Variants in TRIM38 observed in about 807,000 individuals in gnomAD.
TRIM38 encodes the protein E3 ubiquitin-protein ligase TRIM38.
TRIM38 carries 35 observed loss-of-function variants against 35.8 expected under a neutral mutation model. The observed-to-expected ratio is 0.98, with a 90% confidence interval of 0.75 to 1.30. TRIM38 has a LOEUF of 1.30. TRIM38 is among the 50% of genes most tolerant of loss of function. TRIM38 has a pLI of 0.00. For missense variants in TRIM38, 545 were observed against 556.9 expected (o/e 0.98, Z 0.21); for synonymous variants, 198 against 204.7 (o/e 0.97, Z 0.28).
rs769103693 is a variant in TRIM38, at chr6:25,966,709, C to G, written c.187C>G (p.Arg63Gly). The G allele has an allele frequency of 6.2e-7, 1 of 1,614,180 alleles. No homozygotes were observed. Residue 63 changes from arginine (R) to glycine (G), a missense_variant, in exon 3 of 8, where the codon CGG becomes GGG. Arg to Gly is a moderately radical substitution (Grantham distance 125). Transcript: ENST00000357085. ...RQETFCCPQC[R>G]APFHMDSLRP... is the part of the protein sequence containing the mutation. ...GGAGACATTCTGCTGTCCCCAGTGT[C>G]GGGCTCCATTTCATATGGATAGCCT...
rs765451825 is a variant in TRIM38, at chr6:25,983,495, C to A, written c.1206C>A (p.Ser402=). ...TAGCACTTACTTCTCCCCCAACTTCCCTTCATCTGCATGAGCAGCCCCTGC... is the reference window on the plus strand; with the variant it reads ...TAGCACTTACTTCTCCCCCAACTTCACTTCATCTGCATGAGCAGCCCCTGC... ...GYVALTSPPT[S]LHLHEQPLLV... Residue 402 remains serine (S), a synonymous_variant, in exon 8 of 8, where the codon TCC becomes TCA. Transcript: ENST00000357085. 3.1e-6 allele frequency: 5 copies of A among 1,614,004 alleles called. No homozygotes were observed. Among genetic ancestry groups the A allele is most frequent in the Non-Finnish European group, 4.2e-6 (5 of 1,180,036 alleles).
intron 2 of TRIM38, among the ~76,000 whole-genome samples, chr6:25,963,854 G>T (rs1759929124): frequency 6.6e-6 from 1 of 152,064 alleles, no homozygotes; most frequent in African/African-American, 2.4e-5. Flanking sequence ...CTGCAGAAGA[G>T]GTATTCACTA....
At chr6:25,974,859 A>G in intron 7 of TRIM38, 1 of 984,232 alleles carries the variant, frequency 1.0e-6, no homozygotes, top group Non-Finnish European at 1.2e-6. Flanking sequence ...ACAACAACAA[A>G]CAACAACAAA....
intron 7 of TRIM38, chr6:25,974,004 G>A (rs1760317723): frequency 3.3e-6 from 1 of 301,410 alleles, no homozygotes. Flanking sequence ...TGATTTGGTG[G>A]TTATATTAGT....
rs543019452 is a variant in TRIM38, at chr6:25,975,325, C to T, written c.874+2040C>T. 2.9e-4 allele frequency: 55 copies of T among 191,702 alleles called. 1 individual carries two copies. Among genetic ancestry groups the T allele is most frequent in the African/African-American group, 1.1e-3 (48 of 42,100 alleles). 11.9% of individuals were successfully genotyped at this position (191,702 alleles called of 1,614,324 possible). ...CCTGGGTTCCAGCGCCTCAGCCTCC[C>T]GGGTAGCGTGGGATTACAGGTACGC... On this transcript the variant is annotated intron_variant, in intron 7 of 7. Transcript: ENST00000357085.
chr6:25,966,979 CT>C, intron 3 of TRIM38, 46 bp downstream of exon 3: 1 of 1,525,682 alleles, frequency 6.6e-7, no homozygotes, highest in South Asian at 1.3e-5. Flanking sequence ...AAGTCTTATC[CT>C]GCTCCCCAGG....
chr6:25,969,910 C>CTTTA (rs999982850), intron 4 of TRIM38, among the ~76,000 whole-genome samples: 3 of 152,002 alleles, frequency 2.0e-5, no homozygotes, highest in Non-Finnish European at 4.4e-5. Flanking sequence ...AAGAAATATA[C>CTTTA]TTTATTTATT....
rs1372622318 is a variant in TRIM38, at chr6:25,991,227, TA to T, written c.*7544del. The T allele has an allele frequency of 6.6e-6, 1 of 152,212 alleles. No homozygotes were observed. Among genetic ancestry groups the T allele is most frequent in the Non-Finnish European group, 1.5e-5 (1 of 68,036 alleles). The allele number at this position is 152,212 out of a possible 1,614,324, so 9.4% of individuals were successfully genotyped here. On this transcript the variant is annotated 3_prime_UTR_variant, in exon 8 of 8. Coordinates refer to ENST00000357085, the MANE Select transcript of TRIM38 (RefSeq NM_006355.5). The stretch of plus-strand genomic sequence containing the variant: ...CCATTAAAGATTGTATGTGAAATTA[TA>T]AAAGAAACGTTTTCACCTTTCTGTG...
At chr6:25,965,722 G>GAGACCGTCCT (rs60252649) in intron 2 of TRIM38, among the ~76,000 whole-genome samples, 1 of 151,802 alleles carries the variant, frequency 6.6e-6, no homozygotes, top group Non-Finnish European at 1.5e-5. Context: ...TCAAGAGATC[G>GAGACCGTCCT]AGCCAACCAA....
In TRIM38 at chr6:25,983,216, G is replaced by C; in HGVS notation, c.927G>C (p.Glu309Asp). The C allele has an allele frequency of 1.2e-6, 2 of 1,613,050 alleles. No homozygotes were observed. The highest frequency in any genetic ancestry group is 1.7e-6 in the Non-Finnish European group (2 of 1,179,446). Reference sequence around the variant, plus strand: ...CTCATCACGAACTAATTCTCTCTGAGGATCGGAGACAAGTGACTCGTGGAT... The same window carrying C: ...CTCATCACGAACTAATTCTCTCTGACGATCGGAGACAAGTGACTCGTGGAT... ...DTAHHELILS[E>D]DRRQVTRGYT... The change falls in exon 8 of 8, where the codon GAG (glutamate) becomes GAC (aspartate). Residue 309 changes from glutamate (E) to aspartate (D), a missense_variant. Transcript: ENST00000357085.
chr6:25,983,998 C>A lies in TRIM38; in HGVS notation c.*311C>A, dbSNP rs1424397025. The A allele has an allele frequency of 8.5e-6, 2 of 234,660 alleles. No individual in the cohort carries two copies. Among genetic ancestry groups the A allele is most frequent in the East Asian group, 1.8e-4 (2 of 11,292 alleles). The allele number at this position is 234,660 out of a possible 1,614,324, so 14.5% of individuals were successfully genotyped here. A position where few individuals can be genotyped will look rare whatever the true frequency, so the allele number is the denominator to read the frequency against. ...TTCAGGTGATGAGTAGGGGTACCCA[C>A]AAGTCAGAAGGTCTGCGTTCTCCTA... is the stretch of plus-strand genomic sequence containing the variant. On this transcript the variant is annotated 3_prime_UTR_variant, in exon 8 of 8. Transcript: ENST00000357085.
At position 25,969,399 on chromosome 6, in the gene TRIM38, A is replaced by G; in HGVS notation, c.486A>G (p.Ala162=). The G allele has an allele frequency of 6.2e-7, 1 of 1,609,554 alleles. No homozygotes were observed. Among genetic ancestry groups the G allele is most frequent in the Non-Finnish European group, 8.5e-7 (1 of 1,177,700 alleles). The change falls in exon 4 of 8, where the codon GCA becomes GCG. Residue 162 remains alanine, a synonymous_variant. Coordinates refer to ENST00000357085, the MANE Select transcript of TRIM38 (RefSeq NM_006355.5). ...DRCTEQKLST[A]MRITKWKEKV... The stretch of plus-strand genomic sequence containing the variant: ...GTACGGAGCAGAAGCTGTCCACAGC[A>G]ATGCGAATAACTAAATGGAAAGTAA...
rs888288749 is a variant in TRIM38 at position 25,987,896 on chromosome 6, T to C, written c.*4209T>C. The C allele has an allele frequency of 9.2e-5, 14 of 152,214 alleles. No homozygotes were observed. Among genetic ancestry groups the C allele is most frequent in the African/African-American group, 3.4e-4 (14 of 41,452 alleles). 9.4% of individuals were successfully genotyped at this position (152,214 alleles called of 1,614,324 possible). Reference sequence around the variant, plus strand: ...CTAATCTTTTGACTGTGTCCATAGTTACTGTCTTTTCTAGAGTGTCATACA... The same window carrying C: ...CTAATCTTTTGACTGTGTCCATAGTCACTGTCTTTTCTAGAGTGTCATACA... On this transcript the variant is annotated 3_prime_UTR_variant, in exon 8 of 8. Transcript: ENST00000357085.
Position 25,971,964 on chromosome 6 carries a change from G to A in TRIM38, c.603G>A (p.Leu201=), listed in dbSNP as rs1760248175. The change falls in exon 5 of 8, where the codon CTG becomes CTA. Residue 201 remains leucine, a synonymous_variant. Coordinates refer to ENST00000357085, the MANE Select transcript of TRIM38 (RefSeq NM_006355.5). ...HEEEKSYLWR[L]EKEEQQTLSR... is the part of the protein sequence containing the mutation. ...AAGAGAAGTCTTATCTCTGGAGGCT[G>A]GAGAAAGAAGAACAACAGACTCTGA... 3 of 1,614,024 alleles carry A rather than the reference G, an allele frequency of 1.9e-6. No homozygotes were observed. The East Asian group carries it at 6.7e-5, about 36-fold the overall frequency.
chr6:25,976,099 A>G (rs1356623733), intron 7 of TRIM38, among the ~76,000 whole-genome samples: 1 of 152,188 alleles, frequency 6.6e-6, no homozygotes, highest in Non-Finnish European at 1.5e-5. Context: ...GTTTTATATC[A>G]CAGTCCTCTC....
At chr6:25,964,873 G>A (rs1189043683) in intron 2 of TRIM38, among the ~76,000 whole-genome samples, 1 of 150,368 alleles carries the variant, frequency 6.7e-6, no homozygotes, top group Non-Finnish European at 1.5e-5. Context: ...GTGCAGTGGT[G>A]TAATCTGGGC....
chr6:25,964,591 A>G (rs1759958281), intron 2 of TRIM38, among the ~76,000 whole-genome samples: 1 of 152,114 alleles, frequency 6.6e-6, no homozygotes, highest in African/African-American at 2.4e-5. Context: ...AGGAAAAACA[A>G]TTGTTCTTCT....
At position 25,973,067 on chromosome 6, in the gene TRIM38, C is replaced by T; in HGVS notation, c.752C>T (p.Thr251Ile). 6.2e-7 allele frequency: 1 copy of T among 1,614,124 alleles called. No homozygotes were observed. The highest frequency in any genetic ancestry group is 1.1e-5 in the South Asian group (1 of 91,082). Residue 251 changes from threonine (T) to isoleucine (I), a missense_variant, in exon 6 of 8, where the codon ACT becomes ATT. Coordinates refer to ENST00000357085, the MANE Select transcript of TRIM38 (RefSeq NM_006355.5). ...GTTTCTTTATAGAATGTGAATGACA[C>T]TTTGAGCAGGTAAGTCCTGTTTGAA... ...AQKLLQNVND[T>I]LSRSWAVKLE...
In TRIM38 at chr6:25,974,131, G is replaced by A. The variant is rs75371173; in HGVS notation, c.874+846G>A. 7.0e-3 allele frequency among the ~76,000 whole-genome samples: 1,062 copies of A among 152,264 alleles called. 11 individuals are homozygous for A. Among genetic ancestry groups the A allele is most frequent in the Non-Finnish European group, 0.012 (839 of 68,016 alleles). On this transcript the variant is annotated intron_variant, in intron 7 of 7. Coordinates refer to ENST00000357085, the MANE Select transcript of TRIM38 (RefSeq NM_006355.5). ...CAGCTTAGTTGGGCCTGCTGCTTAG[G>A]GTCTGATAAGGCTGCAGTTAAGGTG...
Sources: gnomAD v4.1 joint callset for allele counts (sites outside exome capture counted in the v4.1 genomes callset) on GRCh38, gnomAD v4.1.1 for gene constraint, MANE v1.5 for transcripts, NCBI Gene and HGNC (gene_info 2026-07-23, HGNC 2026-07-21) for gene names.